Variants in HOXB3 observed in about 807,000 individuals in gnomAD.
HOXB3 encodes the protein homeobox B3.
HOXB3 carries 17 observed loss-of-function variants against 29.2 expected under a neutral mutation model. The ratio of observed to expected loss-of-function variants is 0.58; its 90% CI spans 0.40 to 0.87. The LOEUF is 0.87. Ranked by LOEUF, HOXB3 falls within the 40% of genes least tolerant of loss-of-function variation. The pLI is 0.00. For missense variants in HOXB3, 637 were observed against 616.3 expected (o/e 1.03, Z -0.35); for synonymous variants, 317 against 285.9 (o/e 1.11, Z -1.10).
At chr17:48,577,783 C>CT (rs1597852823) in intron 1 of HOXB3, 1 of 1,238,692 alleles carries the variant, frequency 8.1e-7, no homozygotes. Flanking sequence ...CAGCTCAACC[C>CT]CCCCCCAACC....
At position 48,585,077 on chromosome 17, in the gene HOXB3, C is replaced by T. The variant is rs539372551; in HGVS notation, c.-425+5048G>A. Among the ~76,000 whole-genome samples, 9 of 152,178 alleles carry T rather than the reference C, an allele frequency of 5.9e-5. No homozygotes were observed. The South Asian group carries it at 1.9e-3, about 32-fold the overall frequency. On this transcript the variant is annotated intron_variant, in intron 1 of 4. Transcript: ENST00000498678. ...CGCGCCGGCCGCAGAAACCCCAGGG[C>T]AAAACGCTTTCCTTACCCCTCCCCC...
At chr17:48,566,065 G>GGGAGAAGA (rs1417535715) in intron 2 of HOXB3, among the ~76,000 whole-genome samples, 1 of 152,176 alleles carries the variant, frequency 6.6e-6, no homozygotes, top group South Asian at 2.1e-4. Flanking sequence ...AGAGAGTTAG[G>GGGAGAAGA]GGAGAAGACA....
At chr17:48,557,717 G>A (rs1408506574) in intron 2 of HOXB3, among the ~76,000 whole-genome samples, 3 of 152,156 alleles carry the variant, frequency 2.0e-5, no homozygotes, top group South Asian at 4.1e-4. Context: ...ATGGAGGGTG[G>A]GAGCTATTTT....
intron 2 of HOXB3, 124 bp from the exon 3 acceptor site, chr17:48,555,742 C>T (rs1315156421): frequency 6.2e-6 from 4 of 644,694 alleles, no homozygotes; most frequent in Non-Finnish European, 1.1e-5. Context: ...AGGAGCCGCG[C>T]GGCGTCCGCT....
intron 2 of HOXB3, among the ~76,000 whole-genome samples, chr17:48,557,892 T>A (rs1384473442): frequency 1.3e-5 from 2 of 151,864 alleles, no homozygotes; most frequent in African/African-American, 4.8e-5. Context: ...CTGCAAAAAG[T>A]CTGTCCTGAG....
intron 1 of HOXB3, among the ~76,000 whole-genome samples, chr17:48,585,620 GT>G: frequency 6.6e-6 from 1 of 152,266 alleles, no homozygotes; most frequent in South Asian, 2.1e-4. Flanking sequence ...TGCGCTTTCG[GT>G]TTCCCTTCCG....
Position 48,551,197 on chromosome 17 carries a change from A to C in HOXB3, c.449-16T>G. On this transcript the variant is annotated splice_polypyrimidine_tract_variant and intron_variant, in intron 4 of 4. Coordinates refer to ENST00000498678, the MANE Select transcript of HOXB3 (RefSeq NM_001384749.1). ...CAGCCCTCTGCTGGATCCGAGGGGG[A>C]GGGGTGGGAAGGGGAGAAAATGAAA... is the stretch of plus-strand genomic sequence containing the variant. 1.6e-6 allele frequency: 2 copies of C among 1,259,946 alleles called. No homozygotes were observed. The highest frequency in any genetic ancestry group is 2.0e-6 in the Non-Finnish European group (2 of 998,344). 78.0% of individuals were successfully genotyped at this position (1,259,946 alleles called of 1,614,324 possible).
chr17:48,565,531 G>A (rs1315377859), intron 2 of HOXB3, among the ~76,000 whole-genome samples: 1 of 152,170 alleles, frequency 6.6e-6, no homozygotes, highest in Non-Finnish European at 1.5e-5. Flanking sequence ...CTTTCTCACA[G>A]CCCCTTTGTC....
At chr17:48,589,575 CTT>C (rs1351977102) in intron 1 of HOXB3, among the ~76,000 whole-genome samples, 1 of 151,926 alleles carries the variant, frequency 6.6e-6, no homozygotes, top group Non-Finnish European at 1.5e-5. Flanking sequence ...GGAGGGACCT[CTT>C]TTTATGGGCT....
chr17:48,577,831 G>A, intron 1 of HOXB3: 1 of 1,387,632 alleles, frequency 7.2e-7, no homozygotes, highest in Non-Finnish European at 9.4e-7. Context: ...AGCTCCAGGG[G>A]TGGGAGGGGG....
intron 2 of HOXB3, among the ~76,000 whole-genome samples, chr17:48,561,183 AACACACAC>A (rs530713063): frequency 0.042 from 5,312 of 125,468 alleles, 339 homozygotes; most frequent in African/African-American, 0.14. Flanking sequence ...TCCGTCTCAA[AACACACAC>A]ACACACACAC....
intron 1 of HOXB3, chr17:48,577,161 C>A (rs2069793110): frequency 9.5e-6 from 8 of 841,550 alleles, no homozygotes; most frequent in Non-Finnish European, 1.4e-5. Flanking sequence ...CGGGGAAAAA[C>A]GAAAAGGGAA....
chr17:48,576,902 C>T, intron 1 of HOXB3: 4 of 1,614,248 alleles, frequency 2.5e-6, no homozygotes, highest in Non-Finnish European at 3.4e-6. Flanking sequence ...CGATCTCCAC[C>T]CTCCGGCGCC....
In HOXB3 at chr17:48,554,702, G is replaced by A. The variant is rs1171151510; in HGVS notation, c.-159+829C>T. The A allele has an allele frequency of 1.4e-6, 1 of 702,372 alleles. No individual in the cohort carries two copies. Among genetic ancestry groups the A allele is most frequent in the East Asian group, 2.7e-5 (1 of 37,290 alleles). The allele number at this position is 702,372 out of a possible 1,614,324, so 43.5% of individuals were successfully genotyped here. On this transcript the variant is annotated intron_variant, in intron 3 of 4. Transcript: ENST00000498678. The surrounding 1 kb of genome is among the most constrained non-coding windows in gnomAD (Gnocchi z 4.1). Reference sequence around the variant, plus strand: ...AACGGTTATCGGAGGCAGGTTCCCAGCACACCAGCCGGCCGAGGGCCGAGC... The same window carrying A: ...AACGGTTATCGGAGGCAGGTTCCCAACACACCAGCCGGCCGAGGGCCGAGC...
At chr17:48,564,205 C>G (rs1445776067) in intron 2 of HOXB3, among the ~76,000 whole-genome samples, 1 of 152,012 alleles carries the variant, frequency 6.6e-6, no homozygotes, top group Non-Finnish European at 1.5e-5. Context: ...CTCCGCACCC[C>G]ACACTTACCT....
intron 1 of HOXB3, 80 bp from the exon 2 acceptor site, chr17:48,574,094 T>C: frequency 1.8e-6 from 1 of 556,286 alleles, no homozygotes; most frequent in Non-Finnish European, 3.2e-6. Context: ...AATTCTCACA[T>C]TTTTCTTAGC....
rs1385518162 is a variant in HOXB3, at chr17:48,552,573, C to G, written c.-99G>C. On this transcript the variant is annotated 5_prime_UTR_variant, in exon 4 of 5. Transcript: ENST00000498678. Reference sequence around the variant, plus strand: ...CTGGGGGTCACGTGACACGCCGGACCCCCCCCCCCCACCTCCCCTCTCTGC... The same window carrying G: ...CTGGGGGTCACGTGACACGCCGGACGCCCCCCCCCCACCTCCCCTCTCTGC... 1 of 557,512 alleles carries G rather than the reference C, an allele frequency of 1.8e-6. No individual in the cohort carries two copies. 34.5% of individuals were successfully genotyped at this position (557,512 alleles called of 1,614,324 possible).
intron 2 of HOXB3, chr17:48,560,176 GA>G: frequency 6.5e-6 from 1 of 152,782 alleles, no homozygotes; most frequent in East Asian, 1.9e-4. Flanking sequence ...GGGGTGCTGG[GA>G]AAGGGAGGGA....
chr17:48,576,454 GCTTT>G (rs1053733828), intron 1 of HOXB3: 4 of 374,974 alleles, frequency 1.1e-5, no homozygotes, highest in African/African-American at 6.3e-5. Context: ...CCTTCTTCTT[GCTTT>G]TTCTTTTTCT....
Sources: allele counts gnomAD v4.1 joint callset (sites outside exome capture counted in the v4.1 genomes callset), GRCh38; gene constraint gnomAD v4.1.1; non-coding constraint Gnocchi (gnomAD v3.1); transcripts MANE v1.5; gene names NCBI Gene and HGNC (gene_info 2026-07-23, HGNC 2026-07-21).